MBNL1: variants seen among roughly 807,000 people sequenced by gnomAD.
The protein encoded by MBNL1 is muscleblind like splicing regulator 1.
Under a neutral mutation model 42.2 loss-of-function variants are expected in MBNL1, and 8 were observed. The observed-to-expected ratio is 0.19, with a 90% confidence interval of 0.11 to 0.34. MBNL1 has a LOEUF of 0.34. Among genes scored for constraint, MBNL1 ranks in the 10% least tolerant of loss-of-function variants. The pLI is 1.00. For missense variants in MBNL1, 309 were observed against 495.3 expected (o/e 0.62, Z 3.57); for synonymous variants, 169 against 173.9 (o/e 0.97, Z 0.22).
Position 152,300,065 on chromosome 3 carries a change from T to A in MBNL1, c.-129T>A. On this transcript the variant is annotated 5_prime_UTR_variant, in exon 2 of 10. Transcript: ENST00000324210. The stretch of plus-strand genomic sequence containing the variant: ...TTCCATGTACTTTTAAAGCAGGGAG[T>A]GGGGAAAAGTATTTTGAGGGGACAT... The A allele has an allele frequency of 1.8e-6, 1 of 546,690 alleles. No individual in the cohort carries two copies. The highest frequency in any genetic ancestry group is 3.2e-6 in the Non-Finnish European group (1 of 309,606). 33.9% of individuals were successfully genotyped at this position (546,690 alleles called of 1,614,324 possible).
intron 2 of MBNL1, among the ~76,000 whole-genome samples, chr3:152,248,925 T>A (rs1200140903): frequency 6.6e-6 from 1 of 152,092 alleles, no homozygotes; most frequent in Non-Finnish European, 1.5e-5. Context: ...ATTTCATCCA[T>A]GTCCCTGCAA....
intron 2 of MBNL1, among the ~76,000 whole-genome samples, chr3:152,364,396 A>G (rs989262331): frequency 2.6e-5 from 4 of 152,110 alleles, no homozygotes; most frequent in Non-Finnish European, 4.4e-5. Flanking sequence ...ACATAGTTTT[A>G]CATGTCAAGC....
chr3:152,454,807 C>T (rs1359236931), intron 6 of MBNL1, among the ~76,000 whole-genome samples: 1 of 152,112 alleles, frequency 6.6e-6, no homozygotes, highest in East Asian at 1.9e-4. Context: ...CTCTGATTTC[C>T]TAGATACTGT....
intron 2 of MBNL1, among the ~76,000 whole-genome samples, chr3:152,302,649 G>A (rs2061198253): frequency 1.3e-5 from 2 of 152,106 alleles, no homozygotes; most frequent in African/African-American, 4.8e-5. Flanking sequence ...TATGACTCAT[G>A]CTTGAAGTTC....
rs747338993 is a variant in MBNL1, at chr3:152,269,093, G to T, written c.-790+1G>T. 2.2e-6 allele frequency: 1 copy of T among 454,644 alleles called. No individual in the cohort carries two copies. The highest frequency in any genetic ancestry group is 4.4e-6 in the Non-Finnish European group (1 of 226,512). 28.2% of individuals were successfully genotyped at this position (454,644 alleles called of 1,614,324 possible). A position where few individuals can be genotyped will look rare whatever the true frequency, so the allele number is the denominator to read the frequency against. ...CGCCTCTGAAAAAAAAATGTGAGAG[G>T]TAAGTTTCCATTTTCACAGTTTCCC... On this transcript the variant is annotated splice_donor_variant, in intron 1 of 9. Coordinates refer to ENST00000324210, the MANE Select transcript of MBNL1 (RefSeq NM_021038.5). LOFTEE classifies it low-confidence loss of function (5UTR_SPLICE).
intron 2 of MBNL1, among the ~76,000 whole-genome samples, chr3:152,354,297 A>G (rs759276922): frequency 6.6e-6 from 1 of 152,178 alleles, no homozygotes; most frequent in Non-Finnish European, 1.5e-5. Flanking sequence ...TCTAAAAATA[A>G]TAATAATAAT....
At chr3:152,400,973 C>T (rs1243983329) in intron 2 of MBNL1, among the ~76,000 whole-genome samples, 2 of 152,200 alleles carry the variant, frequency 1.3e-5, no homozygotes, top group African/African-American at 4.8e-5. Flanking sequence ...TTAGAATCAT[C>T]TGGGGAGCCT....
chr3:152,386,104 A>AT (rs1224082773), intron 2 of MBNL1, among the ~76,000 whole-genome samples: 1 of 152,058 alleles, frequency 6.6e-6, no homozygotes, highest in East Asian at 1.9e-4. Flanking sequence ...GTATTTGAAG[A>AT]TTTTAATAAG....
At chr3:152,392,652 G>T (rs1384628033) in intron 2 of MBNL1, among the ~76,000 whole-genome samples, 1 of 151,890 alleles carries the variant, frequency 6.6e-6, no homozygotes, top group Non-Finnish European at 1.5e-5. Context: ...ATCCTCTTTG[G>T]CAAAATTATG....
chr3:152,358,925 A>G (rs574049792), intron 2 of MBNL1, among the ~76,000 whole-genome samples: 1 of 152,272 alleles, frequency 6.6e-6, no homozygotes, highest in Non-Finnish European at 1.5e-5. Flanking sequence ...TGGTTTTTAA[A>G]GTAATAAATA....
chr3:152,358,992 T>G (rs1445474877), intron 2 of MBNL1, among the ~76,000 whole-genome samples: 1 of 152,168 alleles, frequency 6.6e-6, no homozygotes, highest in Non-Finnish European at 1.5e-5. Context: ...TAATTTCCCT[T>G]GAAGGGGAAA....
Position 152,300,150 on chromosome 3 carries a change from T to G in MBNL1, c.-44T>G. The stretch of plus-strand genomic sequence containing the variant: ...TTGCTCTTTTTTGGGGGGGTTGGGT[T>G]TGTTGGTTTCACTGAAACATTTAAC... On this transcript the variant is annotated 5_prime_UTR_variant, in exon 2 of 10. Transcript: ENST00000324210. 1 of 1,391,704 alleles carries G rather than the reference T, an allele frequency of 7.2e-7. No individual in the cohort carries two copies. Among genetic ancestry groups the G allele is most frequent in the African/African-American group, 1.5e-5 (1 of 68,756 alleles). The allele number at this position is 1,391,704 out of a possible 1,614,324, so 86.2% of individuals were successfully genotyped here.
At chr3:152,441,449 A>G (rs1282801813) in intron 4 of MBNL1, among the ~76,000 whole-genome samples, 1 of 152,144 alleles carries the variant, frequency 6.6e-6, no homozygotes, top group African/African-American at 2.4e-5. Context: ...AAGATTCCTT[A>G]GCTAGTAAAG....
chr3:152,402,872 G>T (rs1382308525), intron 2 of MBNL1, among the ~76,000 whole-genome samples: 3 of 152,090 alleles, frequency 2.0e-5, no homozygotes, highest in African/African-American at 7.2e-5. Context: ...GGGTTTTCTT[G>T]GCCTGATATA....
At chr3:152,427,786 TAAAA>T (rs200984979) in intron 3 of MBNL1, among the ~76,000 whole-genome samples, 1 of 150,478 alleles carries the variant, frequency 6.6e-6, no homozygotes, top group South Asian at 2.1e-4. Flanking sequence ...ATTTAAAAAT[TAAAA>T]AAATTTTTTA....
chr3:152,447,781 G>T lies in MBNL1; in HGVS notation c.961+8G>T. ...CAGCATTTCTCCCACCAGGTAAGGG[G>T]TGGGGTTTCTTAATAAATGAATCTG... On this transcript the variant is annotated splice_region_variant and intron_variant, in intron 6 of 9. Coordinates refer to ENST00000324210, the MANE Select transcript of MBNL1 (RefSeq NM_021038.5). 6.2e-7 allele frequency: 1 copy of T among 1,611,772 alleles called. No individual in the cohort carries two copies.
intron 2 of MBNL1, among the ~76,000 whole-genome samples, chr3:152,324,815 C>T (rs947014765): frequency 1.3e-5 from 2 of 151,958 alleles, no homozygotes; most frequent in Non-Finnish European, 2.9e-5. Flanking sequence ...ATAATAATAG[C>T]ACGTACCTTG....
intron 2 of MBNL1, among the ~76,000 whole-genome samples, chr3:152,401,004 G>C (rs2098193642): frequency 6.6e-6 from 1 of 152,030 alleles, no homozygotes; most frequent in Non-Finnish European, 1.5e-5. Flanking sequence ...CTTATGCCTG[G>C]GACCCAGCCA....
chr3:152,395,206 A>G (rs975561766), intron 2 of MBNL1, among the ~76,000 whole-genome samples: 11 of 152,180 alleles, frequency 7.2e-5, no homozygotes, highest in African/African-American at 2.7e-4. Context: ...AAACAAAAAT[A>G]TGGATAAGTA....
Sources: gnomAD v4.1 joint callset for allele counts (sites outside exome capture counted in the v4.1 genomes callset) on GRCh38, gnomAD v4.1.1 for gene constraint, MANE v1.5 for transcripts, NCBI Gene and HGNC (gene_info 2026-07-23, HGNC 2026-07-21) for gene names.